The following SSUH2 variants were observed in gnomAD, a reference collection of about 807,000 sequenced individuals.
SSUH2 encodes the protein protein SSUH2 homolog.
In SSUH2, 47 loss-of-function variants were observed where a neutral mutation model predicts 55.3. The observed-to-expected ratio is 0.85, with a 90% CI of 0.67 to 1.08. SSUH2 has a LOEUF of 1.08. SSUH2 is among the 50% of genes least tolerant of loss of function. The pLI, the probability that SSUH2 is intolerant of heterozygous loss-of-function variation, is 0.00. For synonymous variants in SSUH2, 212 were observed against 191.5 expected (o/e 1.11, Z -0.89); for missense variants, 535 against 490.7 (o/e 1.09, Z -0.85).
At chr3:8,643,120 TG>T (rs1168789635) in intron 1 of SSUH2, among the ~76,000 whole-genome samples, 2 of 152,222 alleles carry the variant, frequency 1.3e-5, no homozygotes, top group Non-Finnish European at 2.9e-5. Flanking sequence ...TTTAAAGTTC[TG>T]GGGACCTGAT....
intron 2 of SSUH2, among the ~76,000 whole-genome samples, chr3:8,678,578 C>T (rs1705626707): frequency 9.6e-6 from 1 of 104,024 alleles, no homozygotes; most frequent in Non-Finnish European, 2.1e-5. Context: ...GAGGGGGGAA[C>T]ACCCCCCGCG....
intron 7 of SSUH2, among the ~76,000 whole-genome samples, chr3:8,658,750 A>G (rs1181762172): frequency 2.0e-5 from 3 of 152,146 alleles, no homozygotes; most frequent in Admixed American, 1.3e-4. Context: ...GAGAAGAAAA[A>G]AAGCCTTGTG....
At chr3:8,655,107 C>CG (rs542406864) in intron 7 of SSUH2, among the ~76,000 whole-genome samples, 1 of 5,664 alleles carries the variant, frequency 1.8e-4, no homozygotes, top group African/African-American at 3.3e-4. Flanking sequence ...CCTCATCCCC[C>CG]AGTCTCAGTG....
At chr3:8,681,082 AGGGGG>A (rs200530792) in intron 1 of SSUH2, among the ~76,000 whole-genome samples, 21 of 99,466 alleles carry the variant, frequency 2.1e-4, no homozygotes, top group Non-Finnish European at 4.1e-4. Flanking sequence ...CTTCCATAGC[AGGGGG>A]GAGAGGCACC....
intron 11 of SSUH2, among the ~76,000 whole-genome samples, chr3:8,621,715 G>A (rs907109739): frequency 6.6e-6 from 1 of 152,208 alleles, no homozygotes; most frequent in African/African-American, 2.4e-5. Context: ...TCATATGCCA[G>A]AAACTGGAAT....
At chr3:8,673,402 T>C (rs182519499) in intron 3 of SSUH2, among the ~76,000 whole-genome samples, 143 of 152,134 alleles carry the variant, frequency 9.4e-4, no homozygotes, top group Admixed American at 2.7e-3. Flanking sequence ...GGGATCCAAA[T>C]GCCACTGAGA....
intron 3 of SSUH2, among the ~76,000 whole-genome samples, chr3:8,676,762 T>G (rs1207619825): frequency 6.7e-6 from 1 of 148,164 alleles, no homozygotes; most frequent in East Asian, 2.1e-4. Flanking sequence ...TCTTCCCACC[T>G]GGATCTCAGG....
intron 7 of SSUH2, 25 bp downstream of exon 7, chr3:8,629,639 C>T: frequency 6.2e-7 from 1 of 1,613,694 alleles, no homozygotes; most frequent in African/African-American, 1.3e-5. Flanking sequence ...CTCACTGACT[C>T]ACCAGTGGTT....
At chr3:8,679,264 C>A in intron 2 of SSUH2, among the ~76,000 whole-genome samples, 1 of 76,286 alleles carries the variant, frequency 1.3e-5, no homozygotes, top group Non-Finnish European at 2.9e-5. Context: ...TTCCCCCTGG[C>A]TTTTAGGACC....
intron 5 of SSUH2, among the ~76,000 whole-genome samples, chr3:8,668,349 G>A (rs925495749): frequency 1.4e-4 from 21 of 152,260 alleles, no homozygotes; most frequent in South Asian, 2.1e-4. Flanking sequence ...GCTAGGCTGA[G>A]ATGCTCTTAT....
At chr3:8,649,777 G>A (rs575560356), upstream of SSUH2, among the ~76,000 whole-genome samples, 19 of 151,890 alleles carry the variant, frequency 1.3e-4, no homozygotes, top group East Asian at 3.9e-4. Context: ...TGTTGCCCTC[G>A]CCCTGACAAA....
intron 1 of SSUH2, among the ~76,000 whole-genome samples, chr3:8,636,496 C>T (rs116071075): frequency 2.0e-5 from 3 of 152,154 alleles, no homozygotes; most frequent in African/African-American, 7.2e-5. Flanking sequence ...CTGAGCCCTA[C>T]CCTAATTCCT....
intron 11 of SSUH2, among the ~76,000 whole-genome samples, chr3:8,621,516 G>T (rs972569560): frequency 6.6e-6 from 1 of 152,160 alleles, no homozygotes; most frequent in Non-Finnish European, 1.5e-5. Context: ...GAGGCCAGGG[G>T]GCAGCATGAC....
chr3:8,676,345 C>T (rs897594982), intron 3 of SSUH2, among the ~76,000 whole-genome samples: 4 of 151,972 alleles, frequency 2.6e-5, no homozygotes, highest in African/African-American at 9.7e-5. Flanking sequence ...TCCTCTCCCA[C>T]GTTGCAATTA....
chr3:8,676,995 C>T (rs1705415045), intron 3 of SSUH2, among the ~76,000 whole-genome samples: 1 of 148,954 alleles, frequency 6.7e-6, no homozygotes, highest in African/African-American at 2.5e-5. Flanking sequence ...GTACCTCTTC[C>T]CCCCCTGGCT....
At position 8,678,457 on chromosome 3, in the gene SSUH2, T is replaced by TCC. The variant is rs939713434; in HGVS notation, c.-900-1106_-900-1105dup. On this transcript the variant is annotated intron_variant, in intron 2 of 18. Coordinates refer to the SSUH2 transcript ENST00000317371. The stretch of plus-strand genomic sequence containing the variant: ...GGAATTATTATCCTCTCCGCCTCTA[T>TCC]CCCCCCCTGGCTCTTAGGACCCCCA... Among the ~76,000 whole-genome samples, 3 of 150,676 alleles carry TCC rather than the reference T, an allele frequency of 2.0e-5. 1 individual carries two copies. In the East Asian group the frequency reaches 5.9e-4, roughly 30 times the overall value.
chr3:8,623,474 G>A (rs769695968), intron 11 of SSUH2, 75 bp downstream of exon 11: 22 of 926,712 alleles, frequency 2.4e-5, no homozygotes, highest in Admixed American at 2.0e-4. Context: ...CTTCCGCTCC[G>A]ACGTTCTCAG....
intron 6 of SSUH2, among the ~76,000 whole-genome samples, chr3:8,661,190 C>G (rs1046525363): frequency 3.9e-5 from 6 of 152,202 alleles, no homozygotes; most frequent in African/African-American, 1.4e-4. Context: ...CCCCTGAATC[C>G]ACTCTTGGCC....
Position 8,677,816 on chromosome 3 carries a change from G to A in SSUH2, c.-900-463C>T, listed in dbSNP as rs148481944. 3.3e-4 allele frequency among the ~76,000 whole-genome samples: 49 copies of A among 150,708 alleles called. 5 individuals are homozygous for A. The East Asian group carries it at 5.2e-3, about 16-fold the overall frequency. On this transcript the variant is annotated intron_variant, in intron 2 of 18. Transcript: ENST00000317371. ...CCCATGCTGTGGTGACTGAGAGCCAGCCCCACACACCCACTCCACCACCAG... is the reference window on the plus strand; with the variant it reads ...CCCATGCTGTGGTGACTGAGAGCCAACCCCACACACCCACTCCACCACCAG...
Sources: allele counts gnomAD v4.1 joint callset (sites outside exome capture counted in the v4.1 genomes callset), GRCh38; gene constraint gnomAD v4.1.1; transcripts MANE v1.5; gene names NCBI Gene and HGNC (gene_info 2026-07-23, HGNC 2026-07-21).